Variants in ITPR2 observed in about 807,000 individuals in gnomAD.
The protein encoded by ITPR2 is inositol 1,4,5-trisphosphate receptor type 2, also known as inositol 1,4,5-trisphosphate-gated calcium channel ITPR2.
ITPR2 carries 207 observed loss-of-function variants against 317.1 expected under a neutral mutation model. The ratio of observed to expected loss-of-function variants is 0.65; its 90% confidence interval spans 0.58 to 0.73. ITPR2 has a LOEUF of 0.73. Among genes scored for constraint, ITPR2 ranks in the 30% least tolerant of loss-of-function variants. The pLI, the probability that ITPR2 is intolerant of heterozygous loss-of-function variation, is 0.00. For synonymous variants in ITPR2, 1,156 were observed against 1,149.1 expected (o/e 1.01, Z -0.12); for missense variants, 2,613 against 3,284.0 (o/e 0.80, Z 4.99).
chr12:26,818,153 T>C (rs573347583), intron 1 of ITPR2, among the ~76,000 whole-genome samples: 3 of 152,320 alleles, frequency 2.0e-5, no homozygotes, highest in African/African-American at 7.2e-5. Context: ...ATAACTTCCA[T>C]TTTGAAAAAA....
intron 45 of ITPR2, among the ~76,000 whole-genome samples, chr12:26,474,564 C>T (rs1395734224): frequency 4.6e-5 from 7 of 152,018 alleles, no homozygotes; most frequent in East Asian, 1.9e-4. Context: ...GAGGCCGAGG[C>T]GGGCGGATCA....
In ITPR2 at chr12:26,550,087, G is replaced by A. The variant is rs528376370; in HGVS notation, c.5073+160C>T. On this transcript the variant is annotated intron_variant, in intron 37 of 56. Transcript: ENST00000381340. Reference sequence around the variant, plus strand: ...TCCCAGTTTAAAACAAGGCATGAGAGATGAATATCATAAAAACTCAAATTA... The same window carrying A: ...TCCCAGTTTAAAACAAGGCATGAGAAATGAATATCATAAAAACTCAAATTA... Among the ~76,000 whole-genome samples, 58 of 152,062 alleles carry A rather than the reference G, an allele frequency of 3.8e-4. No homozygotes were observed. The South Asian group carries it at 4.6e-3, about 12-fold the overall frequency.
At chr12:26,410,855 A>G (rs908460665) in intron 52 of ITPR2, among the ~76,000 whole-genome samples, 3 of 151,654 alleles carry the variant, frequency 2.0e-5, no homozygotes, top group African/African-American at 7.3e-5. Context: ...TTCTCTCTCT[A>G]GAGAGAGAGA....
intron 45 of ITPR2, among the ~76,000 whole-genome samples, chr12:26,468,679 T>C (rs2136804439): frequency 6.6e-6 from 1 of 152,280 alleles, no homozygotes; most frequent in Middle Eastern, 3.4e-3. Flanking sequence ...AATATCTTTA[T>C]TCAGTTTTTT....
intron 1 of ITPR2, among the ~76,000 whole-genome samples, chr12:26,820,655 T>C (rs968534820): frequency 6.6e-5 from 10 of 152,178 alleles, no homozygotes; most frequent in African/African-American, 2.2e-4. Context: ...AAAATATATA[T>C]CTATACAAAA....
chr12:26,449,441 C>A (rs1055674884), intron 45 of ITPR2, among the ~76,000 whole-genome samples: 1 of 152,076 alleles, frequency 6.6e-6, no homozygotes, highest in Non-Finnish European at 1.5e-5. Context: ...GTGCAAAGCA[C>A]GGTTTTAGCT....
chr12:26,785,321 C>G (rs1451679778), intron 2 of ITPR2, among the ~76,000 whole-genome samples: 1 of 41,708 alleles, frequency 2.4e-5, no homozygotes, highest in African/African-American at 5.7e-5. Flanking sequence ...AGCCCCCCGC[C>G]CGGCCAGCCG....
rs772754580 is a variant in ITPR2, at chr12:26,725,660, T to C, written c.269A>G (p.Lys90Arg). ...AATCCTGGTCCTTACCTGTAGTTTC[T>C]TCAGCAAGGCTGCCTCGGTGTGGTT... is the stretch of plus-strand genomic sequence containing the variant. ...QGNHTEAALL[K>R]KLQHAAELEQ... is the part of the protein sequence containing the mutation. Residue 90 changes from lysine (K) to arginine (R), a missense_variant, in exon 3 of 57, where the codon AAG becomes AGG. Transcript: ENST00000381340. The C allele has an allele frequency of 5.6e-6, 9 of 1,611,974 alleles. No homozygotes were observed. Among genetic ancestry groups the C allele is most frequent in the Non-Finnish European group, 8.5e-7 (1 of 1,178,488 alleles).
At chr12:26,423,956 C>T (rs373257955) in intron 49 of ITPR2, among the ~76,000 whole-genome samples, 3 of 152,156 alleles carry the variant, frequency 2.0e-5, no homozygotes, top group Non-Finnish European at 4.4e-5. Flanking sequence ...GAAACCAGTA[C>T]TAAGTTGTTA....
At chr12:26,725,968 T>G in intron 2 of ITPR2, 1 of 437,388 alleles carries the variant, frequency 2.3e-6, no homozygotes, top group Non-Finnish European at 4.1e-6. Context: ...AAATATCCAC[T>G]TCTTCATTAA....
intron 37 of ITPR2, among the ~76,000 whole-genome samples, chr12:26,544,490 A>G (rs1411103678): frequency 6.6e-6 from 1 of 151,856 alleles, no homozygotes; most frequent in East Asian, 1.9e-4. Context: ...AATTGCTTTA[A>G]AGGACATTTG....
intron 37 of ITPR2, among the ~76,000 whole-genome samples, chr12:26,511,521 A>T (rs558465515): frequency 2.6e-5 from 4 of 152,236 alleles, no homozygotes; most frequent in African/African-American, 9.6e-5. Flanking sequence ...ACATTCAATA[A>T]CTTTTTTTGT....
At chr12:26,487,624 C>T (rs4964002) in intron 39 of ITPR2, among the ~76,000 whole-genome samples, 75,698 of 151,960 alleles carry the variant, frequency 0.5, 22,380 homozygotes, top group Non-Finnish European at 0.64. Context: ...GCCTACTATG[C>T]GTCAAGCCCT....
intron 1 of ITPR2, among the ~76,000 whole-genome samples, chr12:26,805,073 G>A (rs935295203): frequency 6.6e-6 from 1 of 152,086 alleles, no homozygotes; most frequent in Admixed American, 6.6e-5. Context: ...TTCAGACAGT[G>A]ATCATGACCA....
chr12:26,500,731 C>T (rs191818131), intron 37 of ITPR2, among the ~76,000 whole-genome samples: 2 of 152,206 alleles, frequency 1.3e-5, no homozygotes, highest in East Asian at 3.9e-4. Flanking sequence ...TACACCGAGT[C>T]CAATGCATCA....
intron 37 of ITPR2, among the ~76,000 whole-genome samples, chr12:26,549,050 C>G (rs1184477055): frequency 6.6e-6 from 1 of 152,202 alleles, no homozygotes; most frequent in Non-Finnish European, 1.5e-5. Flanking sequence ...ATATTGACCT[C>G]ATTTTTCTAC....
Position 26,414,050 on chromosome 12 carries a change from T to TATACAC in ITPR2, c.7306+1252_7306+1253insGTGTAT, listed in dbSNP as rs1555121665. On this transcript the variant is annotated intron_variant, in intron 51 of 56. Transcript: ENST00000381340. ...AGCAGATAGTCTACATGTATATATG[T>TATACAC]ACACACACACACACACACACACACA... is the stretch of plus-strand genomic sequence containing the variant. Among the ~76,000 whole-genome samples the TATACAC allele has an allele frequency of 1.1e-3, 151 of 138,206 alleles. No homozygotes were observed. In the East Asian group the frequency reaches 0.023, roughly 21 times the overall value. 90.7% of individuals were successfully genotyped at this position (138,206 alleles called of 152,430 possible).
chr12:26,431,139 A>T (rs1313417115), intron 48 of ITPR2, among the ~76,000 whole-genome samples: 1 of 152,232 alleles, frequency 6.6e-6, no homozygotes, highest in East Asian at 1.9e-4. Flanking sequence ...CTCCACCAAC[A>T]GTTAAATTGA....
intron 10 of ITPR2, among the ~76,000 whole-genome samples, chr12:26,695,207 A>C (rs1217616351): frequency 6.6e-6 from 1 of 152,214 alleles, no homozygotes; most frequent in East Asian, 1.9e-4. Context: ...AATCTAGCCC[A>C]ACATCCAGAG....
Sources: gnomAD v4.1 joint callset for allele counts (sites outside exome capture counted in the v4.1 genomes callset) on GRCh38, gnomAD v4.1.1 for gene constraint, MANE v1.5 for transcripts, NCBI Gene and HGNC (gene_info 2026-07-23, HGNC 2026-07-21) for gene names.